COG3: variants seen among roughly 807,000 people sequenced by gnomAD.
The protein encoded by COG3 is conserved oligomeric Golgi complex subunit 3.
In COG3, 32 loss-of-function variants were observed where a neutral mutation model predicts 114.1. The observed-to-expected ratio is 0.28, with a 90% CI of 0.21 to 0.38. COG3 has a LOEUF of 0.38. Among genes scored for constraint, COG3 ranks in the 10% least tolerant of loss-of-function variants. The pLI is 1.00. For missense variants in COG3, 813 were observed against 973.2 expected (o/e 0.84, Z 2.19); for synonymous variants, 352 against 365.7 (o/e 0.96, Z 0.43).
At position 45,534,818 on chromosome 13, in the gene COG3, T is replaced by TTTTTTAAAG; in HGVS notation, c.*87_*88insTTTTTAAAG. 7.0e-7 allele frequency: 1 copy of TTTTTTAAAG among 1,436,136 alleles called. No individual in the cohort carries two copies. The highest frequency in any genetic ancestry group is 9.1e-7 in the Non-Finnish European group (1 of 1,094,546). The allele number at this position is 1,436,136 out of a possible 1,614,324, so 89.0% of individuals were successfully genotyped here. A position where few individuals can be genotyped will look rare whatever the true frequency, so the allele number is the denominator to read the frequency against. On this transcript the variant is annotated 3_prime_UTR_variant, in exon 23 of 23. Coordinates refer to ENST00000349995, the MANE Select transcript of COG3 (RefSeq NM_031431.4). ...CAGTCTGCAGGACACCGAGGAATCG[T>TTTTTTAAAG]ATGTGGGAACGTCCCCGAGAACCAC...
intron 8 of COG3, among the ~76,000 whole-genome samples, chr13:45,489,819 ATTTT>A (rs66501920): frequency 0.025 from 3,648 of 146,076 alleles, 120 homozygotes; most frequent in African/African-American, 0.076. Flanking sequence ...ATTCCAATGG[ATTTT>A]TTTTTTTTTT....
At chr13:45,486,251 G>C (rs1886635578) in intron 7 of COG3, among the ~76,000 whole-genome samples, 1 of 144,840 alleles carries the variant, frequency 6.9e-6, no homozygotes, top group Non-Finnish European at 1.5e-5. Flanking sequence ...GATGGCAGCA[G>C]TACAGTCCAG....
At chr13:45,474,246 T>C (rs1283908474) in intron 1 of COG3, among the ~76,000 whole-genome samples, 1 of 145,524 alleles carries the variant, frequency 6.9e-6, no homozygotes, top group African/African-American at 2.6e-5. Flanking sequence ...CAAGCTTCAC[T>C]TCCCGGGTTC....
At chr13:45,480,529 T>C (rs146310700) in intron 4 of COG3, among the ~76,000 whole-genome samples, 32 of 152,312 alleles carry the variant, frequency 2.1e-4, no homozygotes, top group African/African-American at 7.7e-4. Flanking sequence ...CCAAATGTAG[T>C]GGCTATGTTG....
intron 13 of COG3, among the ~76,000 whole-genome samples, chr13:45,500,946 A>G (rs1050329023): frequency 1.3e-5 from 2 of 152,178 alleles, no homozygotes; most frequent in Non-Finnish European, 2.9e-5. Flanking sequence ...CTTTGTTGGA[A>G]TTCGTCTGAT....
chr13:45,490,284 C>G (rs188248637), intron 8 of COG3, among the ~76,000 whole-genome samples: 1 of 152,256 alleles, frequency 6.6e-6, no homozygotes, highest in East Asian at 1.9e-4. Context: ...CTCTTTTGAC[C>G]TGGTGTTTTG....
At chr13:45,512,027 A>T (rs1870918222) in intron 16 of COG3, 173 bp downstream of exon 16, 1 of 591,314 alleles carries the variant, frequency 1.7e-6, no homozygotes, top group African/African-American at 1.9e-5. Context: ...CTAAATAAAG[A>T]CTGTACTATA....
chr13:45,476,435 C>T, intron 2 of COG3, 88 bp downstream of exon 2: 1 of 1,252,208 alleles, frequency 8.0e-7, no homozygotes, highest in East Asian at 2.4e-5. Flanking sequence ...AAGTTCTGAA[C>T]ATTTGTCACC....
At position 45,482,481 on chromosome 13, in the gene COG3, A is replaced by C; in HGVS notation, c.717+8A>C. 7.5e-7 allele frequency: 1 copy of C among 1,334,388 alleles called. No individual in the cohort carries two copies. The highest frequency in any genetic ancestry group is 1.3e-5 in the South Asian group (1 of 78,286). The allele number at this position is 1,334,388 out of a possible 1,614,324, so 82.7% of individuals were successfully genotyped here. ...ACATATATCTCATCTCATGTAAGTC[A>C]GAGTATTTTTGCATGTTTTAAAGAA... On this transcript the variant is annotated splice_region_variant and intron_variant, in intron 6 of 22. Coordinates refer to ENST00000349995, the MANE Select transcript of COG3 (RefSeq NM_031431.4).
At chr13:45,503,039 C>T (rs1869712047) in intron 13 of COG3, among the ~76,000 whole-genome samples, 1 of 152,126 alleles carries the variant, frequency 6.6e-6, no homozygotes, top group Admixed American at 6.5e-5. Flanking sequence ...TAGCTATTAT[C>T]ACATAAAGCA....
At chr13:45,473,353 A>T (rs1885645678) in intron 1 of COG3, among the ~76,000 whole-genome samples, 1 of 151,870 alleles carries the variant, frequency 6.6e-6, no homozygotes, top group African/African-American at 2.4e-5. Flanking sequence ...GCTTTTTGTT[A>T]TTGTGAGGGT....
intron 2 of COG3, among the ~76,000 whole-genome samples, chr13:45,477,577 T>C (rs1885953297): frequency 6.6e-6 from 1 of 152,100 alleles, no homozygotes; most frequent in African/African-American, 2.4e-5. Context: ...ATAATAGATA[T>C]TTTTCAGGCC....
intron 1 of COG3, among the ~76,000 whole-genome samples, chr13:45,469,976 G>C (rs1325692372): frequency 1.3e-5 from 2 of 152,114 alleles, no homozygotes; most frequent in Non-Finnish European, 2.9e-5. Context: ...GCTTAAAGAA[G>C]AAGAATTGGA....
chr13:45,482,297 A>G (rs576003485), intron 5 of COG3, 84 bp from the exon 6 acceptor site: 574 of 664,774 alleles, frequency 8.6e-4, no homozygotes, highest in Non-Finnish European at 1.4e-3. Flanking sequence ...CCTAAAGGCA[A>G]ATATGCTGAC....
chr13:45,492,670 G>T (rs758245247), intron 11 of COG3, among the ~76,000 whole-genome samples: 11 of 152,016 alleles, frequency 7.2e-5, no homozygotes, highest in Non-Finnish European at 1.6e-4. Flanking sequence ...CAGATCCACT[G>T]TTAGTCACTT....
intron 1 of COG3, among the ~76,000 whole-genome samples, chr13:45,470,014 C>G (rs1469295961): frequency 1.3e-5 from 2 of 152,138 alleles, no homozygotes; most frequent in African/African-American, 4.8e-5. Flanking sequence ...AGAAGGGAGA[C>G]TTGCTTTTCA....
chr13:45,467,352 G>A (rs1237365013), intron 1 of COG3, among the ~76,000 whole-genome samples: 4 of 152,248 alleles, frequency 2.6e-5, no homozygotes, highest in Non-Finnish European at 5.9e-5. Flanking sequence ...AGCACTTTGG[G>A]AGGCTAAGGC....
At chr13:45,498,601 C>T (rs1869114685) in intron 13 of COG3, among the ~76,000 whole-genome samples, 1 of 151,808 alleles carries the variant, frequency 6.6e-6, no homozygotes, top group Non-Finnish European at 1.5e-5. Flanking sequence ...GGTCTTGGCA[C>T]CCTTGTTGAA....
At position 45,484,513 on chromosome 13, in the gene COG3, A is replaced by G. The variant is rs141225927; in HGVS notation, c.843+1158A>G. ...GGAGAGAGAGATGACAGTTCCATTTAATTATTTCTCATGTGTAGCCATAAT... is the reference window on the plus strand; with the variant it reads ...GGAGAGAGAGATGACAGTTCCATTTGATTATTTCTCATGTGTAGCCATAAT... On this transcript the variant is annotated intron_variant, in intron 7 of 22. Transcript: ENST00000349995. Among the ~76,000 whole-genome samples, 762 of 152,260 alleles carry G rather than the reference A, an allele frequency of 5.0e-3. 5 individuals are homozygous for G. Among genetic ancestry groups the G allele is most frequent in the African/African-American group, 0.017 (708 of 41,558 alleles).
Sources: gnomAD v4.1 joint callset for allele counts (sites outside exome capture counted in the v4.1 genomes callset) on GRCh38, gnomAD v4.1.1 for gene constraint, MANE v1.5 for transcripts, NCBI Gene and HGNC (gene_info 2026-07-23, HGNC 2026-07-21) for gene names.